TTLL13: variants seen among roughly 807,000 people sequenced by gnomAD.
TTLL13 encodes the protein tubulin tyrosine ligase like 13.
the TTLL13 span, chr15:90,258,858 T>A: frequency 1.7e-4 from 271 of 1,613,916 alleles, 1 homozygote; most frequent in African/African-American, 1.3e-5. Context: ...AAAAGGAAGG[T>A]GATGGAGGAG....
At chr15:90,258,170 C>A in the TTLL13 span, 2 of 1,614,262 alleles carry the variant, frequency 1.2e-6, no homozygotes, top group Middle Eastern at 1.6e-4. Flanking sequence ...ACTACCGAAC[C>A]TGTTTTCCCC....
the TTLL13 span, chr15:90,257,419 A>G: frequency 1.5e-6 from 2 of 1,318,676 alleles, no homozygotes; most frequent in African/African-American, 1.5e-5. Flanking sequence ...TCTAGCTGGG[A>G]GGCAAGTGTT....
chr15:90,251,597 A>G, the TTLL13 span: 120 of 1,613,778 alleles, frequency 7.4e-5, 1 homozygote, highest in Non-Finnish European at 7.6e-5. Context: ...TGAGAGTGGT[A>G]AGCACCCAGC....
chr15:90,251,716 T>A, the TTLL13 span: 1 of 1,019,146 alleles, frequency 9.8e-7, no homozygotes. Context: ...GGCTTGCCTC[T>A]AACCTGTACT....
At chr15:90,265,304 C>T in the TTLL13 span, 1 of 1,215,986 alleles carries the variant, frequency 8.2e-7, no homozygotes, top group Non-Finnish European at 1.0e-6. Flanking sequence ...CAATGAGCCC[C>T]TTTCCCAGAG....
At chr15:90,264,992 C>T in the TTLL13 span, 2 of 1,520,760 alleles carry the variant, frequency 1.3e-6, no homozygotes, top group Non-Finnish European at 1.8e-6. Context: ...CACTCTACCT[C>T]TCCTGGATAA....
the TTLL13 span, among the ~76,000 whole-genome samples, chr15:90,251,367 AC>A: frequency 7.1e-6 from 1 of 140,874 alleles, no homozygotes; most frequent in Admixed American, 7.7e-5. Context: ...CTTGTGATCC[AC>A]CCGCCTCGGC....
chr15:90,253,472 C>T, the TTLL13 span: 182,573 of 667,828 alleles, frequency 0.27, 29,791 homozygotes, highest in East Asian at 0.65. Flanking sequence ...GTGGCTGTCC[C>T]CTTGTGCAGA....
At chr15:90,263,976 G>A in the TTLL13 span, 81 of 1,536,010 alleles carry the variant, frequency 5.3e-5, no homozygotes, top group African/African-American at 5.7e-4. Context: ...CAGGAGAGCC[G>A]GCAGCCATCA....
the TTLL13 span, chr15:90,256,039 G>T: frequency 1.9e-6 from 3 of 1,553,416 alleles, no homozygotes; most frequent in Non-Finnish European, 2.6e-6. Flanking sequence ...GAGACTGAGT[G>T]CTCCAGGAAG....
chr15:90,261,921 G>A, the TTLL13 span: 1 of 1,124,028 alleles, frequency 8.9e-7, no homozygotes, highest in African/African-American at 1.6e-5. Flanking sequence ...CCAGCAGGAG[G>A]GTCTCCAAAC....
chr15:90,258,832 C>T, the TTLL13 span: 1 of 1,614,200 alleles, frequency 6.2e-7, no homozygotes, highest in South Asian at 1.1e-5. Context: ...CCCTTGTCAA[C>T]CTCCGGGGCT....
the TTLL13 span, chr15:90,258,373 G>A: frequency 1.0e-6 from 1 of 994,870 alleles, no homozygotes; most frequent in Non-Finnish European, 1.6e-6. Flanking sequence ...CAGAATGGGA[G>A]ATGTGAAAGC....
At chr15:90,251,279 A>AT in the TTLL13 span, among the ~76,000 whole-genome samples, 1 of 65,340 alleles carries the variant, frequency 1.5e-5, no homozygotes, top group Non-Finnish European at 2.9e-5. Context: ...ACGCATGGCA[A>AT]ATTTTTTTTT....
the TTLL13 span, chr15:90,258,701 A>C: frequency 5.8e-6 from 9 of 1,547,308 alleles, no homozygotes; most frequent in South Asian, 8.9e-5. Flanking sequence ...CCACCTGCTC[A>C]GGTGGTCTGG....
the TTLL13 span, chr15:90,257,363 C>A: frequency 6.6e-7 from 1 of 1,510,210 alleles, no homozygotes. Context: ...AGAGGTTTGT[C>A]ACTGTCACCA....
the TTLL13 span, chr15:90,256,127 C>T: frequency 6.2e-7 from 1 of 1,612,836 alleles, no homozygotes; most frequent in Non-Finnish European, 8.5e-7. Flanking sequence ...TGACCAGGCC[C>T]TCTCTGCACA....
the TTLL13 span, chr15:90,249,557 G>T: frequency 6.6e-6 from 1 of 152,304 alleles, no homozygotes; most frequent in African/African-American, 2.4e-5. Flanking sequence ...GGGCTTGCTA[G>T]AGGAAGCGCT....
At chr15:90,262,852 C>T in the TTLL13 span, 1 of 1,309,290 alleles carries the variant, frequency 7.6e-7, no homozygotes, top group Non-Finnish European at 1.0e-6. Context: ...AAGGAACCTT[C>T]CTGGGTCAGG....
Sources: gnomAD v4.1 joint callset for allele counts (sites outside exome capture counted in the v4.1 genomes callset) on GRCh38, gnomAD v4.1.1 for gene constraint, MANE v1.5 for transcripts, NCBI Gene and HGNC (gene_info 2026-07-23, HGNC 2026-07-21) for gene names.